The following MEP1B variants were observed in gnomAD, a reference collection of about 807,000 sequenced individuals.
MEP1B encodes the protein N-benzoyl-L-tyrosyl-P-amino-benzoic acid hydrolase subunit beta.
MEP1B carries 80 observed loss-of-function variants against 84.6 expected under a neutral mutation model. The observed-to-expected ratio is 0.95, with a 90% CI of 0.79 to 1.14. MEP1B has a LOEUF of 1.14. MEP1B is among the 50% of genes most tolerant of loss of function. The pLI is 0.00. For synonymous variants in MEP1B, 273 were observed against 288.1 expected (o/e 0.95, Z 0.53); for missense variants, 766 against 855.1 (o/e 0.90, Z 1.30).
At chr18:32,211,142 C>T (rs572538776) in intron 10 of MEP1B, among the ~76,000 whole-genome samples, 109 of 152,238 alleles carry the variant, frequency 7.2e-4, no homozygotes, top group African/African-American at 2.6e-3. Flanking sequence ...GTGGCACACG[C>T]CTATAGTCCC....
At chr18:32,217,314 A>T (rs971009395) in intron 13 of MEP1B, among the ~76,000 whole-genome samples, 197 bp downstream of exon 13, 27 of 152,004 alleles carry the variant, frequency 1.8e-4, no homozygotes, top group African/African-American at 6.3e-4. Flanking sequence ...AGCCAACACA[A>T]TTTTTTTATG....
chr18:32,214,939 C>A, intron 11 of MEP1B, 143 bp from the exon 12 acceptor site: 1 of 625,306 alleles, frequency 1.6e-6, no homozygotes, highest in Non-Finnish European at 2.8e-6. Flanking sequence ...CAGTGATTTG[C>A]CAGGGAATAC....
At position 32,215,134 on chromosome 18, in the gene MEP1B, G is replaced by C. The variant is rs2041068886; in HGVS notation, c.1632G>C (p.Leu544Phe). Residue 544 changes from leucine to phenylalanine, a missense_variant, in exon 12 of 15, where the codon TTG becomes TTC. Leu to Phe is a conservative substitution (Grantham distance 22). Transcript: ENST00000269202. Reference protein sequence around the residue: ...DRPSKVGTVALFSNGTQFRRG... With the variant: ...DRPSKVGTVAFFSNGTQFRRG... ...CTTCTAAAGTGGGAACAGTGGCTTT[G>C]TTCTCTAATGGAACTCAGTTTAGAA... 6.2e-7 allele frequency: 1 copy of C among 1,608,786 alleles called. No homozygotes were observed. Among genetic ancestry groups the C allele is most frequent in the Non-Finnish European group, 8.5e-7 (1 of 1,177,278 alleles).
At chr18:32,204,515 G>A (rs1374679135) in intron 7 of MEP1B, among the ~76,000 whole-genome samples, 155 bp downstream of exon 7, 2 of 152,074 alleles carry the variant, frequency 1.3e-5, no homozygotes, top group Non-Finnish European at 2.9e-5. Context: ...AGTTATTGGA[G>A]CACTAGTATT....
chr18:32,204,940 G>A (rs760478156), intron 7 of MEP1B, among the ~76,000 whole-genome samples: 1 of 152,122 alleles, frequency 6.6e-6, no homozygotes, highest in Non-Finnish European at 1.5e-5. Flanking sequence ...TTTATGAGAC[G>A]GAGCCCATGC....
Position 32,215,212 on chromosome 18 carries a change from CAG to C in MEP1B, c.1714_1715del (p.Asp572PhefsTer6). ...AFITHERLKS[R>X]DFIKGDDVYI... is the part of the protein sequence containing the mutation. ...TTATAACCCACGAAAGGCTGAAAAG[CAG>C]AGATTTTATAAAAGGAGATGATGTT... On this transcript the variant is annotated frameshift_variant, in exon 12 of 15. Coordinates refer to ENST00000269202, the MANE Select transcript of MEP1B (RefSeq NM_005925.3). LOFTEE classifies it high-confidence loss of function. 1.2e-6 allele frequency: 2 copies of C among 1,609,526 alleles called. No homozygotes were observed. Among genetic ancestry groups the C allele is most frequent in the Admixed American group, 1.7e-5 (1 of 59,076 alleles).
At chr18:32,192,009 G>C (rs957451111) in intron 2 of MEP1B, among the ~76,000 whole-genome samples, 169 bp downstream of exon 2, 1 of 151,990 alleles carries the variant, frequency 6.6e-6, no homozygotes, top group Non-Finnish European at 1.5e-5. Flanking sequence ...CCATGTTCCA[G>C]GCTTCATATG....
chr18:32,194,551 G>C (rs1410022615), intron 4 of MEP1B, among the ~76,000 whole-genome samples: 1 of 151,346 alleles, frequency 6.6e-6, no homozygotes, highest in Non-Finnish European at 1.5e-5. Context: ...TTCTCTCTTA[G>C]ACTCATCAGG....
chr18:32,213,403 A>G lies in MEP1B; in HGVS notation c.1423A>G (p.Ile475Val). 3 of 1,613,892 alleles carry G rather than the reference A, an allele frequency of 1.9e-6. No individual in the cohort carries two copies. The highest frequency in any genetic ancestry group is 2.5e-6 in the Non-Finnish European group (3 of 1,179,834). ...TCTAGCCCATGTGACTAATGCAGGGATATATTTCCACTTGATCTCTGGAGC... is the reference window on the plus strand; with the variant it reads ...TCTAGCCCATGTGACTAATGCAGGGGTATATTTCCACTTGATCTCTGGAGC... ...LNLAHVTNAG[I>V]YFHLISGAND... Residue 475 changes from isoleucine to valine, a missense_variant, in exon 11 of 15, where the codon ATA becomes GTA. Physicochemically the swap from Ile to Val is conservative, Grantham distance 29. Coordinates refer to ENST00000269202, the MANE Select transcript of MEP1B (RefSeq NM_005925.3).
At chr18:32,215,891 C>T (rs1297918949) in intron 12 of MEP1B, among the ~76,000 whole-genome samples, 2 of 151,072 alleles carry the variant, frequency 1.3e-5, no homozygotes, top group Non-Finnish European at 3.0e-5. Flanking sequence ...AAAAATATCA[C>T]ACAAGCACAT....
Position 32,220,354 on chromosome 18 carries a change from T to A in MEP1B, c.*109T>A. The A allele has an allele frequency of 2.0e-6, 2 of 1,017,064 alleles. No homozygotes were observed. The highest frequency in any genetic ancestry group is 3.0e-6 in the Non-Finnish European group (2 of 677,204). The allele number at this position is 1,017,064 out of a possible 1,614,324, so 63.0% of individuals were successfully genotyped here. On this transcript the variant is annotated 3_prime_UTR_variant, in exon 15 of 15. Coordinates refer to ENST00000269202, the MANE Select transcript of MEP1B (RefSeq NM_005925.3). ...CTCATTCTTCTAAAAGTGGATATTTTTCTGTAAATAGCTGGAAATATTATA... is the reference window on the plus strand; with the variant it reads ...CTCATTCTTCTAAAAGTGGATATTTATCTGTAAATAGCTGGAAATATTATA...
chr18:32,205,276 T>C (rs1300839282), intron 7 of MEP1B, among the ~76,000 whole-genome samples: 1 of 152,210 alleles, frequency 6.6e-6, no homozygotes, highest in Non-Finnish European at 1.5e-5. Flanking sequence ...GATTTTGTGT[T>C]CAAAGTCACA....
At chr18:32,219,122 G>GC (rs2041124199) in intron 14 of MEP1B, among the ~76,000 whole-genome samples, 1 of 152,116 alleles carries the variant, frequency 6.6e-6, no homozygotes, top group African/African-American at 2.4e-5. Context: ...TAAAAATACT[G>GC]CAATTGGCTA....
chr18:32,193,840 C>T (rs537226548), intron 4 of MEP1B, among the ~76,000 whole-genome samples: 1 of 152,296 alleles, frequency 6.6e-6, no homozygotes, highest in South Asian at 2.1e-4. Flanking sequence ...CTCTCTTGAT[C>T]TCACCTTCGT....
chr18:32,213,463 C>T lies in MEP1B; in HGVS notation c.1483C>T (p.Gln495Ter). The T allele has an allele frequency of 1.2e-6, 2 of 1,613,878 alleles. No individual in the cohort carries two copies. Among genetic ancestry groups the T allele is most frequent in the Non-Finnish European group, 1.7e-6 (2 of 1,179,814 alleles). Residue 495 changes from glutamine (Q) to a stop codon, truncating the protein, a stop_gained, in exon 11 of 15, where the codon CAA (glutamine) becomes TAA (stop). Coordinates refer to ENST00000269202, the MANE Select transcript of MEP1B (RefSeq NM_005925.3). LOFTEE classifies it high-confidence loss of function. The stretch of plus-strand genomic sequence containing the variant: ...TCAATTACAGTGGCCATGTCCTTGG[C>T]AACAAGCCACAATGACACTTTTGGA... The part of the protein sequence containing the change: ...DDQLQWPCPW[Q>*]QATMTLLDQN...
intron 4 of MEP1B, among the ~76,000 whole-genome samples, chr18:32,194,781 T>C (rs774353144): frequency 5.9e-5 from 9 of 152,042 alleles, no homozygotes; most frequent in Non-Finnish European, 8.8e-5. Context: ...CTTGTTCACA[T>C]CTCTCTTTCT....
chr18:32,196,090 G>A lies in MEP1B; in HGVS notation c.250+605G>A. ...GGGCTGGGAACCCAGGTCCTCTGGT[G>A]CCCCCGCTGGCTCGGGCTCGGTGGC... On this transcript the variant is annotated intron_variant, in intron 5 of 14. Transcript: ENST00000269202. This position sits in a 1 kb window ranked among gnomAD's most constrained non-coding sequence, Gnocchi z 4.4. The A allele has an allele frequency of 2.1e-6, 1 of 469,088 alleles. No homozygotes were observed. The highest frequency in any genetic ancestry group is 3.9e-6 in the Non-Finnish European group (1 of 253,502). The allele number at this position is 469,088 out of a possible 1,614,324, so 29.1% of individuals were successfully genotyped here.
Position 32,196,058 on chromosome 18 carries a change from C to CAGCCCGGGGCTGGG in MEP1B, c.250+575_250+588dup. The CAGCCCGGGGCTGGG allele has an allele frequency of 2.3e-6, 1 of 427,260 alleles. No homozygotes were observed. The highest frequency in any genetic ancestry group is 2.1e-5 in the South Asian group (1 of 47,180). 26.5% of individuals were successfully genotyped at this position (427,260 alleles called of 1,614,324 possible). ...AAGTTCGGGGAAGAAGGGTCATTGG[C>CAGCCCGGGGCTGGG]AGCCCGGGGCTGGGAACCCAGGTCC... is the stretch of plus-strand genomic sequence containing the variant. On this transcript the variant is annotated intron_variant, in intron 5 of 14. Transcript: ENST00000269202. This position sits in a 1 kb window ranked among gnomAD's most constrained non-coding sequence, Gnocchi z 4.4.
At chr18:32,200,313 T>C (rs2040899468) in intron 5 of MEP1B, among the ~76,000 whole-genome samples, 2 of 152,202 alleles carry the variant, frequency 1.3e-5, no homozygotes, top group African/African-American at 2.4e-5. Flanking sequence ...TCTTTTGTTC[T>C]AATTTTTTCA....
Sources: gnomAD v4.1 joint callset for allele counts (sites outside exome capture counted in the v4.1 genomes callset) on GRCh38, gnomAD v4.1.1 for gene constraint, Gnocchi (gnomAD v3.1) non-coding constraint, MANE v1.5 for transcripts, NCBI Gene and HGNC (gene_info 2026-07-23, HGNC 2026-07-21) for gene names.